The following ZCCHC7 variants were observed in gnomAD, a reference collection of about 807,000 sequenced individuals.
The protein encoded by ZCCHC7 is zinc finger CCHC domain-containing protein 7.
In ZCCHC7, 35 loss-of-function variants were observed where a neutral mutation model predicts 52.0. That is an observed-to-expected ratio of 0.67 (90% CI 0.51 to 0.89). The LOEUF (loss-of-function observed/expected upper bound fraction) is 0.89. ZCCHC7 is among the 40% of genes least tolerant of loss of function. The pLI, the probability that ZCCHC7 is intolerant of heterozygous loss-of-function variation, is 0.00. For missense variants in ZCCHC7, 574 were observed against 649.1 expected, an observed-to-expected ratio of 0.88 and a Z score of 1.26; for synonymous variants, 217 against 221.5, an observed-to-expected ratio of 0.98 and a Z score of 0.18.
rs1843000808 is a variant in ZCCHC7 at position 37,136,457 on chromosome 9, C to G, written c.610+9515C>G. 1.3e-5 allele frequency among the ~76,000 whole-genome samples: 2 copies of G among 151,974 alleles called. 1 individual carries two copies. Among genetic ancestry groups the G allele is most frequent in the Non-Finnish European group, 2.9e-5 (2 of 67,990 alleles). ...CAGGGTGTCTCTCTCCCACCCCACC[C>G]CTGCCCCACCTGCAATCTCTCTCTC... On this transcript the variant is annotated intron_variant, in intron 2 of 8. Coordinates refer to ENST00000336755, the MANE Select transcript of ZCCHC7 (RefSeq NM_032226.3).
chr9:37,264,411 T>G (rs1827004598), intron 2 of ZCCHC7, among the ~76,000 whole-genome samples: 1 of 152,170 alleles, frequency 6.6e-6, no homozygotes, highest in African/African-American at 2.4e-5. Context: ...ATCAACCAAT[T>G]ACATTAATGT....
At chr9:37,120,535 C>A (rs966660251), upstream of ZCCHC7, 2 of 399,000 alleles carry the variant, frequency 5.0e-6, no homozygotes, top group East Asian at 3.6e-5. Flanking sequence ...TGCGCGGACG[C>A]GGCCTCCTTA....
chr9:37,134,497 A>C (rs1035750610), intron 2 of ZCCHC7, among the ~76,000 whole-genome samples: 2 of 152,136 alleles, frequency 1.3e-5, no homozygotes, highest in Non-Finnish European at 2.9e-5. Flanking sequence ...TTATCTTTTA[A>C]AAATTTGGTT....
intron 6 of ZCCHC7, among the ~76,000 whole-genome samples, chr9:37,342,878 CA>C (rs1197419706): frequency 6.6e-6 from 1 of 152,174 alleles, no homozygotes; most frequent in Non-Finnish European, 1.5e-5. Context: ...AACATAATCC[CA>C]AAATGCATTG....
At chr9:37,120,341 A>G (rs989383632), upstream of ZCCHC7, among the ~76,000 whole-genome samples, 1 of 152,226 alleles carries the variant, frequency 6.6e-6, no homozygotes. Context: ...CAGCCTAGGT[A>G]GCTTCAAGAG....
At chr9:37,329,840 A>C (rs1830387583) in intron 6 of ZCCHC7, among the ~76,000 whole-genome samples, 1 of 152,024 alleles carries the variant, frequency 6.6e-6, no homozygotes, top group Non-Finnish European at 1.5e-5. Context: ...GTGACCAAGT[A>C]ATGAAGCCTC....
intron 2 of ZCCHC7, among the ~76,000 whole-genome samples, chr9:37,146,984 A>G (rs1009825968): frequency 2.0e-5 from 3 of 151,938 alleles, no homozygotes; most frequent in African/African-American, 7.2e-5. Flanking sequence ...AATTAACTTT[A>G]GCTATCTAAT....
chr9:37,120,688 G>C, intron 1 of ZCCHC7, 65 bp downstream of exon 1: 1 of 375,580 alleles, frequency 2.7e-6, no homozygotes, highest in Admixed American at 4.6e-5. Context: ...CCTCCTTCTT[G>C]CCCGCCGGGC....
intron 5 of ZCCHC7, among the ~76,000 whole-genome samples, chr9:37,318,276 A>G (rs1829909268): frequency 6.6e-6 from 1 of 152,038 alleles, no homozygotes; most frequent in African/African-American, 2.4e-5. Flanking sequence ...AGCCTGGACA[A>G]CATGGTGAAA....
intron 5 of ZCCHC7, among the ~76,000 whole-genome samples, chr9:37,310,170 G>A (rs1829526441): frequency 6.6e-6 from 1 of 152,184 alleles, no homozygotes; most frequent in Non-Finnish European, 1.5e-5. Flanking sequence ...TTTATGAGGT[G>A]AAGGATAAAA....
intron 2 of ZCCHC7, among the ~76,000 whole-genome samples, chr9:37,211,844 C>T (rs190036170): frequency 2.0e-5 from 3 of 151,682 alleles, no homozygotes; most frequent in South Asian, 2.1e-4. Context: ...CTGGCTAACA[C>T]GGTGAAACCC....
chr9:37,334,642 A>G (rs1830574585), intron 6 of ZCCHC7, among the ~76,000 whole-genome samples: 1 of 152,002 alleles, frequency 6.6e-6, no homozygotes, highest in African/African-American at 2.4e-5. Context: ...TTTGATCCCT[A>G]TATATCAGAA....
In ZCCHC7 at chr9:37,244,038, C is replaced by G. The variant is rs148137355; in HGVS notation, c.611-58150C>G. Among the ~76,000 whole-genome samples the G allele has an allele frequency of 6.5e-4, 98 of 151,740 alleles. No individual in the cohort carries two copies. The East Asian group carries it at 0.018, about 28-fold the overall frequency. Reference sequence around the variant, plus strand: ...ACTTCATTAAACAATAAGGATTTACCTTAAATTAAGCATTTTTTTGGTATG... The same window carrying G: ...ACTTCATTAAACAATAAGGATTTACGTTAAATTAAGCATTTTTTTGGTATG... On this transcript the variant is annotated intron_variant, in intron 2 of 8. Transcript: ENST00000336755.
chr9:37,238,806 T>G (rs1825762906), intron 2 of ZCCHC7, among the ~76,000 whole-genome samples: 1 of 152,176 alleles, frequency 6.6e-6, no homozygotes. Context: ...ACATCACGAT[T>G]GCAATGAAAA....
chr9:37,124,538 G>T (rs529722402), intron 1 of ZCCHC7, among the ~76,000 whole-genome samples: 1 of 152,182 alleles, frequency 6.6e-6, no homozygotes, highest in African/African-American at 2.4e-5. Context: ...TATAGTTCCT[G>T]CCCTCCTGGG....
At chr9:37,281,774 C>G (rs931608610) in intron 2 of ZCCHC7, among the ~76,000 whole-genome samples, 1 of 152,168 alleles carries the variant, frequency 6.6e-6, no homozygotes, top group African/African-American at 2.4e-5. Context: ...TAATGGCTTC[C>G]CCACCTGTAA....
chr9:37,124,127 C>T (rs1253393440), intron 1 of ZCCHC7, among the ~76,000 whole-genome samples: 1 of 152,082 alleles, frequency 6.6e-6, no homozygotes, highest in African/African-American at 2.4e-5. Context: ...ACTAAGAAAA[C>T]AACTATTTTT....
chr9:37,123,325 C>T (rs1483712356), intron 1 of ZCCHC7, among the ~76,000 whole-genome samples: 2 of 151,986 alleles, frequency 1.3e-5, no homozygotes, highest in Admixed American at 6.6e-5. Context: ...GTAACATTAA[C>T]GAAAACAACC....
chr9:37,299,176 A>G (rs1042981905), intron 2 of ZCCHC7, among the ~76,000 whole-genome samples: 2 of 152,212 alleles, frequency 1.3e-5, no homozygotes, highest in African/African-American at 4.8e-5. Context: ...AATTCAGGGC[A>G]GTCCCATTTA....
Sources: allele counts gnomAD v4.1 joint callset (sites outside exome capture counted in the v4.1 genomes callset), GRCh38; gene constraint gnomAD v4.1.1; transcripts MANE v1.5; gene names NCBI Gene and HGNC (gene_info 2026-07-23, HGNC 2026-07-21).